CD244: variants seen among roughly 807,000 people sequenced by gnomAD.
The protein encoded by CD244 is natural killer cell receptor 2B4.
A neutral mutation model predicts 45.5 loss-of-function variants in CD244; 20 were observed. The observed-to-expected ratio is 0.44, with a 90% CI of 0.31 to 0.64. The LOEUF is 0.64. CD244 is among the 30% of genes least tolerant of loss of function. CD244 has a pLI of 0.08. For missense variants in CD244, 407 were observed against 426.9 expected (o/e 0.95, Z 0.41); for synonymous variants, 185 against 160.5 (o/e 1.15, Z -1.15).
chr1:160,843,666 C>T (rs537819419), intron 1 of CD244, among the ~76,000 whole-genome samples: 2 of 152,186 alleles, frequency 1.3e-5, no homozygotes, highest in Non-Finnish European at 2.9e-5. Flanking sequence ...ACATGCTAAC[C>T]AATCCTCCCA....
chr1:160,848,141 T>C (rs1276713256), intron 1 of CD244: 3 of 457,816 alleles, frequency 6.6e-6, no homozygotes, highest in Non-Finnish European at 1.3e-5. Context: ...TAGAGAGAAA[T>C]GATTTGGTTA....
chr1:160,834,011 C>A, intron 7 of CD244, 40 bp downstream of exon 7: 1 of 1,436,006 alleles, frequency 7.0e-7, no homozygotes, highest in Non-Finnish European at 9.8e-7. Context: ...TACACATCTA[C>A]ATCAACAACA....
chr1:160,845,312 CTG>C (rs989481097), intron 1 of CD244, among the ~76,000 whole-genome samples: 6 of 152,044 alleles, frequency 3.9e-5, no homozygotes, highest in Non-Finnish European at 8.8e-5. Flanking sequence ...AATTAGAAAA[CTG>C]TTATAAAATA....
At chr1:160,844,702 C>T (rs535527567) in intron 1 of CD244, among the ~76,000 whole-genome samples, 12 of 152,310 alleles carry the variant, frequency 7.9e-5, no homozygotes, top group African/African-American at 2.6e-4. Flanking sequence ...TGGCCTGGTG[C>T]GGTGGCTCAT....
At chr1:160,844,433 C>A (rs1669656837) in intron 1 of CD244, among the ~76,000 whole-genome samples, 2 of 152,198 alleles carry the variant, frequency 1.3e-5, no homozygotes, top group Non-Finnish European at 1.5e-5. Flanking sequence ...GACTTTACAG[C>A]TCCTTCTGTT....
chr1:160,832,870 G>GTATATATA lies in CD244; in HGVS notation c.961-303_961-296dup, dbSNP rs1553194340. Among the ~76,000 whole-genome samples the GTATATATA allele has an allele frequency of 9.4e-3, 1,111 of 117,888 alleles. 13 individuals carry two copies. Among genetic ancestry groups the GTATATATA allele is most frequent in the African/African-American group, 0.03 (1,062 of 35,912 alleles). 77.3% of individuals were successfully genotyped at this position (117,888 alleles called of 152,430 possible). A position where few individuals can be genotyped will look rare whatever the true frequency, so the allele number is the denominator to read the frequency against. On this transcript the variant is annotated intron_variant, in intron 7 of 8. Coordinates refer to ENST00000368034, the MANE Select transcript of CD244 (RefSeq NM_016382.4). ...CCCATACACATATGTGTGTGTGTGT[G>GTATATATA]TATATATATATATATATACACACAC...
chr1:160,852,856 CA>C (rs1301226476), intron 1 of CD244, among the ~76,000 whole-genome samples: 1 of 150,948 alleles, frequency 6.6e-6, no homozygotes, highest in Non-Finnish European at 1.5e-5. Flanking sequence ...AACCCCATCT[CA>C]AAAAAAAGAA....
intron 1 of CD244, among the ~76,000 whole-genome samples, chr1:160,844,755 A>T (rs2101877756): frequency 6.6e-6 from 1 of 152,224 alleles, no homozygotes; most frequent in African/African-American, 2.4e-5. Context: ...CCGGCAGATC[A>T]CTCAAGGTCG....
At position 160,856,247 on chromosome 1, in the gene CD244, T is replaced by C. The variant is rs562519465; in HGVS notation, c.61+6370A>G. 2.0e-5 allele frequency among the ~76,000 whole-genome samples: 3 copies of C among 152,226 alleles called. No individual in the cohort carries two copies. In the South Asian group the frequency reaches 6.2e-4, roughly 32 times the overall value. ...GGCCCACATCCCATTTCTTTCTTCCTCTCTATTTAGCTTCATACTGACCAT... is the reference window on the plus strand; with the variant it reads ...GGCCCACATCCCATTTCTTTCTTCCCCTCTATTTAGCTTCATACTGACCAT... On this transcript the variant is annotated intron_variant, in intron 1 of 8. Transcript: ENST00000368034.
chr1:160,832,639 T>C lies in CD244; in HGVS notation c.961-64A>G, dbSNP rs570989514. The C allele has an allele frequency of 8.5e-5, 136 of 1,605,186 alleles. 4 individuals carry two copies. The South Asian group carries it at 1.4e-3, about 17-fold the overall frequency. ...TAAGTGCTCTCCCACTCCTAAGTGA[T>C]GTGAGAGGTCCCAAAAGAGACTCAG... On this transcript the variant is annotated intron_variant, in intron 7 of 8. Transcript: ENST00000368034.
intron 1 of CD244, among the ~76,000 whole-genome samples, chr1:160,858,740 C>T (rs1478224915): frequency 2.0e-5 from 3 of 152,244 alleles, no homozygotes; most frequent in Non-Finnish European, 4.4e-5. Flanking sequence ...GGCAATCTAG[C>T]GCAAGCTCTC....
Position 160,830,843 on chromosome 1 carries a change from C to T in CD244, c.*504G>A, listed in dbSNP as rs1324682800. The T allele has an allele frequency of 1.9e-5, 3 of 154,700 alleles. No homozygotes were observed. Among genetic ancestry groups the T allele is most frequent in the Non-Finnish European group, 4.3e-5 (3 of 69,548 alleles). The allele number at this position is 154,700 out of a possible 1,614,324, so 9.6% of individuals were successfully genotyped here. On this transcript the variant is annotated 3_prime_UTR_variant, in exon 9 of 9. Coordinates refer to ENST00000368034, the MANE Select transcript of CD244 (RefSeq NM_016382.4). ...CCCTGGCCCCCACCCACGTGCAGAACCTGCCAGCCAGTTCACAGCCGGACA... is the reference window on the plus strand; with the variant it reads ...CCCTGGCCCCCACCCACGTGCAGAATCTGCCAGCCAGTTCACAGCCGGACA...
chr1:160,848,239 C>A lies in CD244; in HGVS notation c.62-6338G>T, dbSNP rs943035087. The stretch of plus-strand genomic sequence containing the variant: ...ACCATAATGGCACTGGTGGCAAGTT[C>A]ATCTATGGGGTGAAATTTGATGGTG... On this transcript the variant is annotated intron_variant, in intron 1 of 8. Coordinates refer to ENST00000368034, the MANE Select transcript of CD244 (RefSeq NM_016382.4). 8.8e-5 allele frequency: 49 copies of A among 554,312 alleles called. No individual in the cohort carries two copies. In the African/African-American group the frequency reaches 9.1e-4, roughly 10 times the overall value. The allele number at this position is 554,312 out of a possible 1,614,324, so 34.3% of individuals were successfully genotyped here.
chr1:160,854,640 C>A (rs181431636), intron 1 of CD244, among the ~76,000 whole-genome samples: 1 of 151,922 alleles, frequency 6.6e-6, no homozygotes, highest in Non-Finnish European at 1.5e-5. Flanking sequence ...GTAATCCACC[C>A]GTCTCAGCCT....
At chr1:160,848,295 G>A in intron 1 of CD244, 1 of 591,782 alleles carries the variant, frequency 1.7e-6, no homozygotes, top group Non-Finnish European at 3.2e-6. Flanking sequence ...ACAGGTCTTG[G>A]CATCTTGTCC....
chr1:160,860,160 A>G lies in CD244; in HGVS notation c.61+2457T>C, dbSNP rs138669519. Among the ~76,000 whole-genome samples, 23 of 152,280 alleles carry G rather than the reference A, an allele frequency of 1.5e-4. 1 individual carries two copies. The highest frequency in any genetic ancestry group is 5.5e-4 in the African/African-American group (23 of 41,560). On this transcript the variant is annotated intron_variant, in intron 1 of 8. Coordinates refer to ENST00000368034, the MANE Select transcript of CD244 (RefSeq NM_016382.4). ...GGAGCAGAAGTTGCAGTGAGCCGAG[A>G]TTGGACCACTGTACTCCAGCCCAGG...
intron 1 of CD244, among the ~76,000 whole-genome samples, chr1:160,842,272 C>T (rs560486261): frequency 1.9e-4 from 29 of 152,190 alleles, no homozygotes; most frequent in African/African-American, 6.5e-4. Flanking sequence ...TTTCTAGAGA[C>T]AGGGTCTCAC....
At chr1:160,839,790 AC>A (rs1407333782) in intron 3 of CD244, among the ~76,000 whole-genome samples, 1 of 152,216 alleles carries the variant, frequency 6.6e-6, no homozygotes, top group Non-Finnish European at 1.5e-5. Context: ...AACAAATGTT[AC>A]ATTTATCCAT....
chr1:160,832,659 A>G, intron 7 of CD244, 84 bp from the exon 8 acceptor site: 3 of 1,588,888 alleles, frequency 1.9e-6, no homozygotes, highest in Non-Finnish European at 2.6e-6. Context: ...CCCAAAAGAG[A>G]CTCAGGGCCC....
Sources: allele counts gnomAD v4.1 joint callset (sites outside exome capture counted in the v4.1 genomes callset), GRCh38; gene constraint gnomAD v4.1.1; transcripts MANE v1.5; gene names NCBI Gene and HGNC (gene_info 2026-07-23, HGNC 2026-07-21).